Variants in SORCS2 observed in about 807,000 individuals in gnomAD.
The protein encoded by SORCS2 is VPS10 domain-containing receptor SorCS2.
SORCS2 carries 100 observed loss-of-function variants against 141.6 expected under a neutral mutation model. That is an observed-to-expected ratio of 0.71 (90% CI 0.60 to 0.83). The LOEUF is 0.83. Ranked by LOEUF, SORCS2 falls within the 40% of genes least tolerant of loss-of-function variation. The pLI is 0.00. For synonymous variants in SORCS2, 789 were observed against 676.9 expected, an observed-to-expected ratio of 1.17 and a Z score of -2.57; for missense variants, 1,646 against 1,560.2, an observed-to-expected ratio of 1.05 and a Z score of -0.93.
chr4:7,241,169 C>T (rs1489210445), intron 1 of SORCS2, among the ~76,000 whole-genome samples: 1 of 152,116 alleles, frequency 6.6e-6, no homozygotes, highest in Non-Finnish European at 1.5e-5. Context: ...GAACTCTTGA[C>T]CTCACATGAT....
chr4:7,316,559 G>T (rs1407655204), intron 1 of SORCS2, among the ~76,000 whole-genome samples: 1 of 152,194 alleles, frequency 6.6e-6, no homozygotes, highest in East Asian at 1.9e-4. Context: ...CACGACCCTG[G>T]ACAAGTTATC....
At chr4:7,586,708 C>T (rs1238463548) in intron 3 of SORCS2, among the ~76,000 whole-genome samples, 1 of 152,182 alleles carries the variant, frequency 6.6e-6, no homozygotes, top group African/African-American at 2.4e-5. Flanking sequence ...ATATGTACCA[C>T]ATTTTCTTTA....
chr4:7,502,212 A>G (rs2109432809), intron 2 of SORCS2, among the ~76,000 whole-genome samples: 1 of 152,296 alleles, frequency 6.6e-6, no homozygotes, highest in African/African-American at 2.4e-5. Flanking sequence ...CTTGTCCATT[A>G]AAACAAGGAA....
intron 1 of SORCS2, among the ~76,000 whole-genome samples, chr4:7,381,479 C>T (rs1044503187): frequency 6.6e-6 from 1 of 152,206 alleles, no homozygotes; most frequent in African/African-American, 2.4e-5. Flanking sequence ...AGGGTCCCTC[C>T]CTGCAGGAAG....
chr4:7,317,911 C>T (rs958283541), intron 1 of SORCS2, among the ~76,000 whole-genome samples: 7 of 152,266 alleles, frequency 4.6e-5, no homozygotes, highest in African/African-American at 7.2e-5. Context: ...CCCCTGCCCC[C>T]GGAATTTAAA....
rs149550066 is a variant in SORCS2, at chr4:7,722,669, A to T, written c.2425-1028A>T. The stretch of plus-strand genomic sequence containing the variant: ...GCCCACCCTAATCCAGTATGACCTC[A>T]TCTTAGCTAATGACACCTGTAAAGA... On this transcript the variant is annotated intron_variant, in intron 18 of 26. Transcript: ENST00000507866. 4.6e-3 allele frequency among the ~76,000 whole-genome samples: 700 copies of T among 152,238 alleles called. 3 individuals are homozygous for T. Among genetic ancestry groups the T allele is most frequent in the African/African-American group, 0.016 (663 of 41,524 alleles).
chr4:7,720,610 A>G (rs1175416460), intron 18 of SORCS2, among the ~76,000 whole-genome samples: 1 of 152,224 alleles, frequency 6.6e-6, no homozygotes, highest in Non-Finnish European at 1.5e-5. Context: ...CACATATCCA[A>G]CAAGGACCAG....
At chr4:7,552,425 G>C (rs1713782104) in intron 3 of SORCS2, among the ~76,000 whole-genome samples, 1 of 152,130 alleles carries the variant, frequency 6.6e-6, no homozygotes, top group Non-Finnish European at 1.5e-5. Context: ...CCACACAGAG[G>C]CTCCACTAGA....
At chr4:7,299,365 G>A (rs1411814794) in intron 1 of SORCS2, among the ~76,000 whole-genome samples, 1 of 152,186 alleles carries the variant, frequency 6.6e-6, no homozygotes, top group East Asian at 1.9e-4. Context: ...GCTCTCCACC[G>A]CTTGTCTTCC....
At chr4:7,724,150 G>GATAGTGGTGGTGATGGTGGTGATA (rs150201814) in intron 19 of SORCS2, among the ~76,000 whole-genome samples, 1 of 135,394 alleles carries the variant, frequency 7.4e-6, no homozygotes, top group African/African-American at 3.3e-5. Context: ...TGATGGTCGT[G>GATAGTGGTGGTGATGGTGGTGATA]GTGGTGGTGG....
At chr4:7,440,948 ATGAG>A (rs1484972192) in intron 2 of SORCS2, among the ~76,000 whole-genome samples, 1 of 152,170 alleles carries the variant, frequency 6.6e-6, no homozygotes, top group Non-Finnish European at 1.5e-5. Context: ...CAGACCATGA[ATGAG>A]TGAGCACTCA....
chr4:7,721,142 T>G (rs1266977747), intron 18 of SORCS2, among the ~76,000 whole-genome samples: 1 of 152,232 alleles, frequency 6.6e-6, no homozygotes, highest in Non-Finnish European at 1.5e-5. Context: ...TGAGATACCA[T>G]GCTGCAGTGA....
At chr4:7,613,371 C>G (rs1481953412) in intron 3 of SORCS2, among the ~76,000 whole-genome samples, 3 of 152,220 alleles carry the variant, frequency 2.0e-5, no homozygotes, top group Non-Finnish European at 4.4e-5. Flanking sequence ...TCTGCGTGGC[C>G]AGGTGCCAGG....
intron 3 of SORCS2, among the ~76,000 whole-genome samples, chr4:7,601,675 G>GTTT (rs34542178): frequency 2.7e-5 from 4 of 145,590 alleles, no homozygotes; most frequent in African/African-American, 1.0e-4. Context: ...TTGTTTGTTT[G>GTTT]TTTTTTTAGT....
chr4:7,667,213 G>A lies in SORCS2; in HGVS notation c.1161G>A (p.Lys387=). 2.5e-6 allele frequency: 4 copies of A among 1,613,602 alleles called. No individual in the cohort carries two copies. The highest frequency in any genetic ancestry group is 3.4e-6 in the Non-Finnish European group (4 of 1,179,546). Residue 387 remains lysine (K), a splice_region_variant and synonymous_variant, in exon 8 of 27, where the codon AAG becomes AAA. Transcript: ENST00000507866. The part of the protein sequence containing the change: ...LMKLPKYALP[K]DLQIISTDES... ...AGCTGCCGAAGTATGCATTGCCAAA[G>A]GTAAGGTGCTCCCCATTCCGCCTGG...
chr4:7,324,874 G>A (rs1347210247), intron 1 of SORCS2, among the ~76,000 whole-genome samples: 1 of 152,214 alleles, frequency 6.6e-6, no homozygotes, highest in Admixed American at 6.5e-5. Context: ...CACTTCCCCA[G>A]TCGATGCTGC....
chr4:7,372,389 C>G (rs1331506221), intron 1 of SORCS2, among the ~76,000 whole-genome samples: 1 of 152,150 alleles, frequency 6.6e-6, no homozygotes, highest in Non-Finnish European at 1.5e-5. Context: ...TCACTGCAAC[C>G]TCCGTCCCCT....
chr4:7,644,185 C>G (rs61597159), intron 4 of SORCS2, among the ~76,000 whole-genome samples: 13,091 of 152,194 alleles, frequency 0.086, 1,023 homozygotes, highest in African/African-American at 0.2. Context: ...CAGGAAGTTT[C>G]TACCTCTGCC....
At chr4:7,374,695 G>T (rs1370517355) in intron 1 of SORCS2, among the ~76,000 whole-genome samples, 1 of 152,182 alleles carries the variant, frequency 6.6e-6, no homozygotes, top group African/African-American at 2.4e-5. Context: ...CCACACATTT[G>T]CAGGAACTAG....
Sources: gnomAD v4.1 joint callset for allele counts (sites outside exome capture counted in the v4.1 genomes callset) on GRCh38, gnomAD v4.1.1 for gene constraint, MANE v1.5 for transcripts, NCBI Gene and HGNC (gene_info 2026-07-23, HGNC 2026-07-21) for gene names.